NHS: variants seen among roughly 807,000 people sequenced by gnomAD.
NHS encodes the protein actin remodeling regulator NHS.
NHS carries 5 observed loss-of-function variants against 72.5 expected under a neutral mutation model. That is an observed-to-expected ratio of 0.07 (90% CI 0.04 to 0.14). The LOEUF (loss-of-function observed/expected upper bound fraction) is 0.14, where lower values mean the gene tolerates loss of function less well. Ranked by LOEUF, NHS falls within the 10% of genes least tolerant of loss-of-function variation. NHS has a pLI of 1.00. For synonymous variants in NHS, 464 were observed against 547.7 expected, an observed-to-expected ratio of 0.85 and a Z score of 2.13; for missense variants, 1,072 against 1,355.7, an observed-to-expected ratio of 0.79 and a Z score of 3.29.
At chrX:17,462,001 G>A (rs1463812686) in intron 1 of NHS, among the ~76,000 whole-genome samples, 1 of 111,255 alleles carries the variant, frequency 9.0e-6, no homozygotes, top group Admixed American at 9.6e-5. Flanking sequence ...ATGGCCCATT[G>A]TCCAAAGCAA....
Position 17,427,387 on chromosome X carries a change from C to T in NHS, c.565+51065C>T, listed in dbSNP as rs2064662480. Among the ~76,000 whole-genome samples, 4 of 112,393 alleles carry T rather than the reference C, an allele frequency of 3.6e-5. No individual in the cohort carries two copies. The South Asian group carries it at 1.5e-3, about 41-fold the overall frequency. On this transcript the variant is annotated intron_variant, in intron 1 of 8. Transcript: ENST00000676302. ...CAAAATACGTGTCTCTGGGCCCTCT[C>T]TACCGAAATGTACACATTGACATGC...
chrX:17,423,578 G>A (rs1357467981), intron 1 of NHS, among the ~76,000 whole-genome samples: 1 of 111,613 alleles, frequency 9.0e-6, no homozygotes, highest in African/African-American at 3.3e-5. Flanking sequence ...GAGATACCTT[G>A]GCAGGCTTGA....
chrX:17,512,457 G>C (rs17320371), intron 1 of NHS, among the ~76,000 whole-genome samples: 4,157 of 112,010 alleles, frequency 0.037, 94 homozygotes, highest in East Asian at 0.17. Flanking sequence ...AGAGTGGAAG[G>C]AAGGTGGTCA....
intron 1 of NHS, among the ~76,000 whole-genome samples, chrX:17,640,932 A>G (rs1201280201): frequency 1.8e-5 from 2 of 112,118 alleles, no homozygotes; most frequent in Non-Finnish European, 3.8e-5. Context: ...GACAGGGGCC[A>G]TGGGTTTCTA....
At chrX:17,648,469 C>G (rs1246016346) in intron 1 of NHS, among the ~76,000 whole-genome samples, 1 of 112,481 alleles carries the variant, frequency 8.9e-6, no homozygotes, top group Non-Finnish European at 1.9e-5. Context: ...AAGGCCTGCT[C>G]AGATTCAAGG....
chrX:17,548,245 A>C (rs1365957168), intron 1 of NHS, among the ~76,000 whole-genome samples: 1 of 111,324 alleles, frequency 9.0e-6, no homozygotes, highest in Non-Finnish European at 1.9e-5. Flanking sequence ...TGATAAGAAA[A>C]ATGGTGAGGC....
intron 3 of NHS, among the ~76,000 whole-genome samples, chrX:17,698,824 C>A (rs185119350): frequency 9.0e-6 from 1 of 111,279 alleles, no homozygotes; most frequent in South Asian, 3.7e-4. Flanking sequence ...ATTAACAGAT[C>A]TAGGAGGGGA....
At chrX:17,487,312 G>A (rs183922841) in intron 1 of NHS, among the ~76,000 whole-genome samples, 1 of 111,901 alleles carries the variant, frequency 8.9e-6, no homozygotes, top group East Asian at 2.8e-4. Context: ...TGTGAATGAG[G>A]AGCAACTCAG....
chrX:17,446,653 G>GC (rs1316365223), intron 1 of NHS, among the ~76,000 whole-genome samples: 85 of 98,636 alleles, frequency 8.6e-4, no homozygotes, highest in South Asian at 1.3e-3. Context: ...CAGCCTTTTT[G>GC]CCCAAAAAAA....
rs762907924 is a variant in NHS at position 17,423,128 on chromosome X, G to A, written c.565+46806G>A. Among the ~76,000 whole-genome samples the A allele has an allele frequency of 7.1e-5, 8 of 112,098 alleles. No homozygotes were observed. In the South Asian group the frequency reaches 3.0e-3, roughly 42 times the overall value. On this transcript the variant is annotated intron_variant, in intron 1 of 8. Transcript: ENST00000676302. ...ATTTAATTAGGAGGTTTTGATCAGG[G>A]TTCCAACTGGCATTTGCAGCTGATG... is the stretch of plus-strand genomic sequence containing the variant.
chrX:17,718,778 AGGAAGGAGGGAAAGAAGGAAGGAAGGG>A (rs2066384121), intron 3 of NHS, among the ~76,000 whole-genome samples: 1 of 93,452 alleles, frequency 1.1e-5, no homozygotes, highest in East Asian at 3.9e-4. Context: ...GAAAGAAGGA[AGGAAGGAGGGAAAGAAGGAAGGAAGGG>A]GGAAGGAGGG....
chrX:17,584,432 C>G (rs1053029387), intron 1 of NHS, among the ~76,000 whole-genome samples: 1 of 112,088 alleles, frequency 8.9e-6, no homozygotes, highest in Non-Finnish European at 1.9e-5. Context: ...GGTGGGCCTC[C>G]TATTGGTGTT....
chrX:17,446,221 T>C (rs1177444662), intron 1 of NHS, among the ~76,000 whole-genome samples: 2 of 110,428 alleles, frequency 1.8e-5, no homozygotes, highest in Admixed American at 1.9e-4. Flanking sequence ...TATCTCTCCA[T>C]ACCACCCCCC....
chrX:17,415,316 T>C (rs1213328569), intron 1 of NHS, among the ~76,000 whole-genome samples: 1 of 111,462 alleles, frequency 9.0e-6, no homozygotes, highest in Admixed American at 9.6e-5. Flanking sequence ...CTCTCTCCTC[T>C]GTGTTCCCGA....
intron 1 of NHS, among the ~76,000 whole-genome samples, chrX:17,475,713 A>G (rs2064914013): frequency 8.9e-6 from 1 of 111,989 alleles, no homozygotes; most frequent in Non-Finnish European, 1.9e-5. Flanking sequence ...TGTGCATGTC[A>G]CATATGTACA....
At chrX:17,385,617 G>A (rs957968481) in intron 1 of NHS, among the ~76,000 whole-genome samples, 4 of 111,610 alleles carry the variant, frequency 3.6e-5, no homozygotes, top group African/African-American at 1.3e-4. Context: ...TCATGAGATT[G>A]CTCCTCAGTT....
chrX:17,672,966 C>T (rs1404556357), intron 1 of NHS, among the ~76,000 whole-genome samples: 1 of 110,490 alleles, frequency 9.1e-6, no homozygotes, highest in Admixed American at 9.7e-5. Flanking sequence ...GATGGCTTCA[C>T]AAAGGAGGTG....
intron 1 of NHS, among the ~76,000 whole-genome samples, chrX:17,488,347 C>T (rs1019026957): frequency 9.0e-6 from 1 of 111,257 alleles, no homozygotes; most frequent in African/African-American, 3.3e-5. Context: ...GTCAGGGTGA[C>T]GTTTGGGCTT....
chrX:17,530,342 G>C (rs960810548), intron 1 of NHS, among the ~76,000 whole-genome samples: 1 of 111,424 alleles, frequency 9.0e-6, no homozygotes, highest in Non-Finnish European at 1.9e-5. Flanking sequence ...CAGTTAAGGA[G>C]CATGACATTT....
Sources: allele counts gnomAD v4.1 joint callset (sites outside exome capture counted in the v4.1 genomes callset), GRCh38; gene constraint gnomAD v4.1.1; transcripts MANE v1.5; gene names NCBI Gene and HGNC (gene_info 2026-07-23, HGNC 2026-07-21).